Variants in PCDHGA5 observed in about 807,000 individuals in gnomAD.
The protein encoded by PCDHGA5 is protocadherin gamma subfamily A, 5.
A neutral mutation model predicts 56.7 loss-of-function variants in PCDHGA5; 36 were observed. The observed-to-expected ratio is 0.64, with a 90% CI of 0.49 to 0.84. PCDHGA5 has a LOEUF of 0.84. Ranked by LOEUF, PCDHGA5 falls within the 40% of genes least tolerant of loss-of-function variation. PCDHGA5 has a pLI of 0.00. For missense variants in PCDHGA5, 1,305 were observed against 1,201.5 expected, an observed-to-expected ratio of 1.09 and a Z score of -1.27; for synonymous variants, 563 against 520.2, an observed-to-expected ratio of 1.08 and a Z score of -1.12.
chr5:141,375,469 T>C (rs762486539), intron 1 of PCDHGA5: 1 of 1,613,946 alleles, frequency 6.2e-7, no homozygotes, highest in South Asian at 1.1e-5. Flanking sequence ...TCTATGTCCT[T>C]GAAAACAACC....
At chr5:141,399,318 G>A (rs772027563) in intron 1 of PCDHGA5, 19 of 1,613,830 alleles carry the variant, frequency 1.2e-5, no homozygotes, top group East Asian at 4.5e-5. Context: ...CCAAAAATTC[G>A]TATAAGTTGG....
chr5:141,467,063 T>C (rs1405374001), intron 1 of PCDHGA5, among the ~76,000 whole-genome samples: 2 of 151,716 alleles, frequency 1.3e-5, no homozygotes, highest in African/African-American at 2.4e-5. Flanking sequence ...TTCTTTTTTT[T>C]TTTTTTTTAG....
At chr5:141,384,213 A>G (rs1779846196) in intron 1 of PCDHGA5, 2 of 1,613,872 alleles carry the variant, frequency 1.2e-6, no homozygotes, top group Non-Finnish European at 1.7e-6. Context: ...AAACTCACAT[A>G]TTCATGCAGG....
Position 141,491,454 on chromosome 5 carries a change from C to T in PCDHGA5, c.2422-3353C>T. The T allele has an allele frequency of 1.9e-6, 3 of 1,614,120 alleles. No individual in the cohort carries two copies. The highest frequency in any genetic ancestry group is 2.5e-6 in the Non-Finnish European group (3 of 1,180,032). On this transcript the variant is annotated intron_variant, in intron 1 of 3. Coordinates refer to ENST00000518069, the MANE Select transcript of PCDHGA5 (RefSeq NM_018918.3). This position sits in a 1 kb window ranked among gnomAD's most constrained non-coding sequence, Gnocchi z 6.9. ...GCTGCAGGCGCCAGGACTCACCCTCCCCGGACTTCTATAAGCAGTCCAGCC... is the reference window on the plus strand; with the variant it reads ...GCTGCAGGCGCCAGGACTCACCCTCTCCGGACTTCTATAAGCAGTCCAGCC...
chr5:141,418,351 G>A, intron 1 of PCDHGA5: 1 of 1,614,026 alleles, frequency 6.2e-7, no homozygotes, highest in Non-Finnish European at 8.5e-7. Flanking sequence ...ATATTAGTAT[G>A]AATTCGCTGA....
intron 1 of PCDHGA5, chr5:141,419,071 A>G: frequency 6.2e-7 from 1 of 1,614,006 alleles, no homozygotes; most frequent in South Asian, 1.1e-5. Flanking sequence ...ACTACAAGCT[A>G]GTAACAGATG....
intron 1 of PCDHGA5, among the ~76,000 whole-genome samples, chr5:141,456,854 T>C (rs924765803): frequency 7.2e-5 from 11 of 151,950 alleles, no homozygotes; most frequent in Non-Finnish European, 1.3e-4. Context: ...TCCCAGCTAA[T>C]TGGGAGGCTG....
At chr5:141,379,674 AC>A (rs1181796015) in intron 1 of PCDHGA5, 1 of 152,100 alleles carries the variant, frequency 6.6e-6, no homozygotes, top group Non-Finnish European at 1.5e-5. Flanking sequence ...AAAGTCATTC[AC>A]TCATGTGGAC....
chr5:141,370,090 A>G (rs1766666321), intron 1 of PCDHGA5, among the ~76,000 whole-genome samples: 1 of 152,252 alleles, frequency 6.6e-6, no homozygotes, highest in South Asian at 2.1e-4. Context: ...CACTATCAGT[A>G]CACTGCCGAT....
At chr5:141,443,615 C>T (rs1430581477) in intron 1 of PCDHGA5, among the ~76,000 whole-genome samples, 3 of 152,198 alleles carry the variant, frequency 2.0e-5, no homozygotes, top group Non-Finnish European at 4.4e-5. Flanking sequence ...TTCTTATAAT[C>T]AGGTGATTGT....
chr5:141,475,248 C>T (rs1400887912), intron 1 of PCDHGA5, among the ~76,000 whole-genome samples: 2 of 152,166 alleles, frequency 1.3e-5, no homozygotes, highest in African/African-American at 4.8e-5. Context: ...AGAGTGTGCT[C>T]TACAACTGAG....
intron 1 of PCDHGA5, chr5:141,377,929 C>T: frequency 6.6e-6 from 1 of 152,184 alleles, no homozygotes; most frequent in East Asian, 1.9e-4. Flanking sequence ...CCACCTGTAA[C>T]TGCTGCTTAT....
At chr5:141,387,274 AT>A (rs2090884370) in intron 1 of PCDHGA5, among the ~76,000 whole-genome samples, 1 of 152,244 alleles carries the variant, frequency 6.6e-6, no homozygotes, top group South Asian at 2.1e-4. Context: ...GTTAGGAACA[AT>A]GAAAGAAAGA....
intron 1 of PCDHGA5, chr5:141,371,345 T>C (rs1417902000): frequency 1.2e-6 from 2 of 1,613,878 alleles, no homozygotes; most frequent in Admixed American, 1.7e-5. Flanking sequence ...GCTACACAAT[T>C]GGGGTGGAAG....
At chr5:141,372,621 T>C (rs775165911) in intron 1 of PCDHGA5, 1 of 1,614,026 alleles carries the variant, frequency 6.2e-7, no homozygotes, top group East Asian at 2.2e-5. Context: ...TCTCCCCACC[T>C]ACAGCGAAAG....
rs1248867280 is a variant in PCDHGA5 at position 141,511,325 on chromosome 5, C to T, written c.*152C>T. 18 of 1,466,406 alleles carry T rather than the reference C, an allele frequency of 1.2e-5. No homozygotes were observed. Among genetic ancestry groups the T allele is most frequent in the Non-Finnish European group, 1.5e-5 (17 of 1,099,872 alleles). 90.8% of individuals were successfully genotyped at this position (1,466,406 alleles called of 1,614,324 possible). A position where few individuals can be genotyped will look rare whatever the true frequency, so the allele number is the denominator to read the frequency against. On this transcript the variant is annotated 3_prime_UTR_variant, in exon 4 of 4. Coordinates refer to ENST00000518069, the MANE Select transcript of PCDHGA5 (RefSeq NM_018918.3). ...TCCCCTTGGGAAACAGAAACAAGTG[C>T]CCAGTCAGCACCTACCCCTTCCCCC...
intron 1 of PCDHGA5, among the ~76,000 whole-genome samples, chr5:141,479,050 C>T (rs1484021560): frequency 6.6e-6 from 1 of 152,164 alleles, no homozygotes; most frequent in African/African-American, 2.4e-5. Context: ...ACCTCATTCT[C>T]AGATAATTTT....
chr5:141,487,689 A>G lies in PCDHGA5; in HGVS notation c.2422-7118A>G. 6.2e-7 allele frequency: 1 copy of G among 1,605,144 alleles called. No homozygotes were observed. The highest frequency in any genetic ancestry group is 1.7e-4 in the Middle Eastern group (1 of 6,050). ...GGCATATGGCTAGGCCATGTCCTAG[A>G]GAGTACTGGCCTCTCAGTAAGTGCC... On this transcript the variant is annotated intron_variant, in intron 1 of 3. Coordinates refer to ENST00000518069, the MANE Select transcript of PCDHGA5 (RefSeq NM_018918.3). This position sits in a 1 kb window ranked among gnomAD's most constrained non-coding sequence, Gnocchi z 5.0.
intron 1 of PCDHGA5, chr5:141,409,468 C>A: frequency 2.5e-6 from 4 of 1,613,948 alleles, no homozygotes; most frequent in Non-Finnish European, 3.4e-6. Context: ...ATGTCACCAT[C>A]GTAGCCACTG....
Sources: gnomAD v4.1 joint callset for allele counts (sites outside exome capture counted in the v4.1 genomes callset) on GRCh38, gnomAD v4.1.1 for gene constraint, Gnocchi (gnomAD v3.1) non-coding constraint, MANE v1.5 for transcripts, NCBI Gene and HGNC (gene_info 2026-07-23, HGNC 2026-07-21) for gene names.